PPP2R2C: variants seen among roughly 807,000 people sequenced by gnomAD.
PPP2R2C encodes protein phosphatase 2, regulatory subunit B, gamma.
In PPP2R2C, 10 loss-of-function variants were observed where a neutral mutation model predicts 45.3. The observed-to-expected ratio is 0.22, with a 90% CI of 0.14 to 0.37. The LOEUF is 0.37. Among genes scored for constraint, PPP2R2C ranks in the 10% least tolerant of loss-of-function variants. PPP2R2C has a pLI of 1.00. For synonymous variants in PPP2R2C, 257 were observed against 245.4 expected, an observed-to-expected ratio of 1.05 and a Z score of -0.44; for missense variants, 308 against 619.7, an observed-to-expected ratio of 0.50 and a Z score of 5.34.
At chr4:6,433,085 T>C (rs1225303430) in intron 1 of PPP2R2C, among the ~76,000 whole-genome samples, 2 of 152,178 alleles carry the variant, frequency 1.3e-5, no homozygotes, top group African/African-American at 4.8e-5. Context: ...AAAATGTATG[T>C]TTATCAACTG....
At chr4:6,436,984 T>A (rs1032606487) in intron 1 of PPP2R2C, among the ~76,000 whole-genome samples, 3 of 152,152 alleles carry the variant, frequency 2.0e-5, no homozygotes, top group Non-Finnish European at 4.4e-5. Context: ...AACATTTCAA[T>A]ATTAAAAGAT....
At chr4:6,437,865 G>A (rs1015981605) in intron 1 of PPP2R2C, among the ~76,000 whole-genome samples, 6 of 149,918 alleles carry the variant, frequency 4.0e-5, no homozygotes, top group South Asian at 2.1e-4. Context: ...CTGTTTTTAC[G>A]TGCATCGGCT....
intron 1 of PPP2R2C, among the ~76,000 whole-genome samples, chr4:6,425,156 C>T (rs574079008): frequency 7.9e-5 from 12 of 152,294 alleles, no homozygotes; most frequent in African/African-American, 2.4e-4. Context: ...AGTCAGGGGG[C>T]CTTCCCTGTG....
At chr4:6,401,213 C>T (rs570039091) in intron 1 of PPP2R2C, among the ~76,000 whole-genome samples, 1 of 152,234 alleles carries the variant, frequency 6.6e-6, no homozygotes, top group South Asian at 2.1e-4. Context: ...CTGAGAAAAA[C>T]CAACCCAGGT....
At chr4:6,482,861 C>T (rs1282536577) in intron 2 of PPP2R2C, among the ~76,000 whole-genome samples, 1 of 152,044 alleles carries the variant, frequency 6.6e-6, no homozygotes, top group Admixed American at 6.6e-5. Context: ...TTGATAGATG[C>T]CCTTTCTCGG....
At chr4:6,467,773 AG>A (rs971624878) in intron 1 of PPP2R2C, among the ~76,000 whole-genome samples, 1 of 152,232 alleles carries the variant, frequency 6.6e-6, no homozygotes. Flanking sequence ...CTGGAAGTTC[AG>A]AGGCGGCCTG....
chr4:6,457,481 C>G (rs1721106010), intron 1 of PPP2R2C, among the ~76,000 whole-genome samples: 1 of 152,066 alleles, frequency 6.6e-6, no homozygotes, highest in Non-Finnish European at 1.5e-5. Flanking sequence ...AAGTGATCCT[C>G]CAGCCTCAGC....
chr4:6,394,175 G>A (rs1266323003), intron 1 of PPP2R2C, among the ~76,000 whole-genome samples: 1 of 152,202 alleles, frequency 6.6e-6, no homozygotes, highest in Non-Finnish European at 1.5e-5. Context: ...TTTTCCTGTG[G>A]TGTGCCAAGG....
At chr4:6,459,938 G>T (rs1721242106) in intron 1 of PPP2R2C, among the ~76,000 whole-genome samples, 1 of 152,176 alleles carries the variant, frequency 6.6e-6, no homozygotes, top group Non-Finnish European at 1.5e-5. Flanking sequence ...AGATACTTCA[G>T]AAAGACCAAA....
At chr4:6,357,733 G>A (rs1417724793) in intron 5 of PPP2R2C, among the ~76,000 whole-genome samples, 1 of 152,186 alleles carries the variant, frequency 6.6e-6, no homozygotes, top group East Asian at 1.9e-4. Context: ...TGGTGGGTGG[G>A]GGTAGGGGTG....
chr4:6,544,844 G>A (rs548983385), intron 1 of PPP2R2C, among the ~76,000 whole-genome samples: 16 of 152,272 alleles, frequency 1.1e-4, no homozygotes, highest in Admixed American at 3.9e-4. Context: ...TGCTACAATT[G>A]GAAAACAATG....
intron 1 of PPP2R2C, among the ~76,000 whole-genome samples, chr4:6,553,076 G>T (rs1379735411): frequency 3.9e-5 from 6 of 152,226 alleles, no homozygotes; most frequent in Admixed American, 2.0e-4. Context: ...AGGACAGGAG[G>T]CTGTTACTCC....
intron 2 of PPP2R2C, among the ~76,000 whole-genome samples, chr4:6,508,481 C>T (rs7693590): frequency 0.037 from 5,622 of 151,800 alleles, 118 homozygotes; most frequent in African/African-American, 0.062. Flanking sequence ...CCCAGCTACT[C>T]GGGAGGCTGA....
At chr4:6,530,946 T>G (rs1724376572) in intron 2 of PPP2R2C, among the ~76,000 whole-genome samples, 1 of 152,194 alleles carries the variant, frequency 6.6e-6, no homozygotes, top group Non-Finnish European at 1.5e-5. Context: ...GACACATTCC[T>G]GCTTGTTAAG....
Position 6,345,512 on chromosome 4 carries a change from A to G in PPP2R2C, c.790+2334T>C, listed in dbSNP as rs1234864580. Among the ~76,000 whole-genome samples, 1 of 152,202 alleles carries G rather than the reference A, an allele frequency of 6.6e-6. No homozygotes were observed. Among genetic ancestry groups the G allele is most frequent in the Non-Finnish European group, 1.5e-5 (1 of 68,030 alleles). On this transcript the variant is annotated intron_variant, in intron 6 of 8. Transcript: ENST00000382599. This position sits in a 1 kb window ranked among gnomAD's most constrained non-coding sequence, Gnocchi z 5.3. ...GGGGTGGCAGGAACAAGGCGATCAC[A>G]AGGGCCTTTATACGCGAAAGACAGA...
At chr4:6,396,766 C>A (rs1401375946) in intron 1 of PPP2R2C, among the ~76,000 whole-genome samples, 1 of 152,196 alleles carries the variant, frequency 6.6e-6, no homozygotes, top group Non-Finnish European at 1.5e-5. Flanking sequence ...ATCAGGTCTT[C>A]GGGTTGGGGC....
rs1305208352 is a variant in PPP2R2C, at chr4:6,378,473, C to T, written c.268G>A (p.Glu90Lys). ...FDYLKSLEIE[E>K]KINKIKWLPQ... ...AGCCACTTGATCTTGTTGATCTTCTCCTCTATCTCCAGGCTCTTGAGATAG... is the reference window on the plus strand; with the variant it reads ...AGCCACTTGATCTTGTTGATCTTCTTCTCTATCTCCAGGCTCTTGAGATAG... The change falls in exon 3 of 9, where the codon GAG becomes AAG. Residue 90 changes from glutamate to lysine, a missense_variant. By Grantham distance (56) the Glu-to-Lys change is moderately conservative. Coordinates refer to ENST00000382599, the MANE Select transcript of PPP2R2C (RefSeq NM_020416.4). This position sits in a 1 kb window ranked among gnomAD's most constrained non-coding sequence, Gnocchi z 5.2. 1 of 1,614,066 alleles carries T rather than the reference C, an allele frequency of 6.2e-7. No homozygotes were observed. Among genetic ancestry groups the T allele is most frequent in the Non-Finnish European group, 8.5e-7 (1 of 1,180,048 alleles).
chr4:6,342,448 T>C (rs566521764), intron 6 of PPP2R2C, among the ~76,000 whole-genome samples: 4 of 152,286 alleles, frequency 2.6e-5, no homozygotes, highest in African/African-American at 9.6e-5. Context: ...TAATGAGATA[T>C]AAACTGAAAA....
intron 1 of PPP2R2C, among the ~76,000 whole-genome samples, chr4:6,450,654 AG>A (rs1433043438): frequency 3.9e-5 from 6 of 152,186 alleles, no homozygotes; most frequent in Admixed American, 1.3e-4. Context: ...AGGTGCACGG[AG>A]GTCAGTGCAG....
Sources: allele counts gnomAD v4.1 joint callset (sites outside exome capture counted in the v4.1 genomes callset), GRCh38; gene constraint gnomAD v4.1.1; non-coding constraint Gnocchi (gnomAD v3.1); transcripts MANE v1.5; gene names NCBI Gene and HGNC (gene_info 2026-07-23, HGNC 2026-07-21).